Variants in DUSP13B observed in about 807,000 individuals in gnomAD.
The protein encoded by DUSP13B is dual specificity protein phosphatase 13B.
At chr10:75,108,215 G>A in the DUSP13B span, 2 of 1,593,266 alleles carry the variant, frequency 1.3e-6, no homozygotes, top group Non-Finnish European at 1.7e-6. Flanking sequence ...TGGCCCTGGG[G>A]AGGGCAGGAA....
the DUSP13B span, among the ~76,000 whole-genome samples, chr10:75,104,687 G>A: frequency 2.0e-5 from 3 of 152,166 alleles, no homozygotes; most frequent in Non-Finnish European, 4.4e-5. Flanking sequence ...CTTGGCTACA[G>A]GCCAATCTCA....
the DUSP13B span, among the ~76,000 whole-genome samples, chr10:75,103,418 T>A: frequency 1.3e-5 from 2 of 152,132 alleles, no homozygotes; most frequent in African/African-American, 4.8e-5. Flanking sequence ...CCAGGGCCAC[T>A]CCCACCCTCT....
chr10:75,098,398 T>A, the DUSP13B span, among the ~76,000 whole-genome samples: 1 of 152,160 alleles, frequency 6.6e-6, no homozygotes, highest in Non-Finnish European at 1.5e-5. Flanking sequence ...TATCTCCAGG[T>A]AAGAGGCCAG....
At chr10:75,105,784 G>A in the DUSP13B span, 3 of 1,551,154 alleles carry the variant, frequency 1.9e-6, no homozygotes, top group African/African-American at 1.4e-5. Context: ...CTGGCGCAGG[G>A]ACAGCCGCTG....
chr10:75,108,150 G>T, the DUSP13B span: 1 of 1,613,056 alleles, frequency 6.2e-7, no homozygotes, highest in East Asian at 2.2e-5. Flanking sequence ...CTTGTGGGCG[G>T]CGTTCAGCAC....
the DUSP13B span, chr10:75,097,747 G>A: frequency 5.6e-6 from 9 of 1,612,154 alleles, no homozygotes; most frequent in African/African-American, 1.3e-5. Flanking sequence ...AGACCTCATC[G>A]ATATGGTTCA....
chr10:75,104,567 C>T, the DUSP13B span, among the ~76,000 whole-genome samples: 5 of 152,168 alleles, frequency 3.3e-5, no homozygotes, highest in South Asian at 2.1e-4. Context: ...TCTGATGCTC[C>T]GCCAGGTTCC....
chr10:75,109,049 G>T, the DUSP13B span: 1 of 1,611,298 alleles, frequency 6.2e-7, no homozygotes, highest in Non-Finnish European at 8.5e-7. Flanking sequence ...TCGTCCACAC[G>T]GCTGCAAGAA....
the DUSP13B span, chr10:75,095,658 G>C: frequency 1.2e-6 from 2 of 1,614,188 alleles, no homozygotes; most frequent in East Asian, 4.5e-5. Context: ...GTTGTCGTCC[G>C]CCTCGATGCC....
At chr10:75,109,131 C>T in the DUSP13B span, 5 of 1,605,842 alleles carry the variant, frequency 3.1e-6, no homozygotes, top group East Asian at 6.8e-5. Flanking sequence ...CCTCTCCCCC[C>T]AGCTCTGGGA....
At chr10:75,094,961 C>T in the DUSP13B span, 1 of 1,222,788 alleles carries the variant, frequency 8.2e-7, no homozygotes, top group South Asian at 1.4e-5. Context: ...CATGGCCATC[C>T]TCTACAGTAT....
the DUSP13B span, chr10:75,105,572 T>G: frequency 7.8e-7 from 1 of 1,284,546 alleles, no homozygotes; most frequent in Admixed American, 2.1e-5. Context: ...CAACCAATCC[T>G]GGAAGAATCC....
At chr10:75,106,002 A>C in the DUSP13B span, 1 of 777,300 alleles carries the variant, frequency 1.3e-6, no homozygotes, top group South Asian at 1.8e-5. Flanking sequence ...CTCAGCCTTT[A>C]TGGACCTCAG....
At chr10:75,100,608 C>T in the DUSP13B span, among the ~76,000 whole-genome samples, 7 of 152,170 alleles carry the variant, frequency 4.6e-5, no homozygotes, top group East Asian at 1.9e-4. Flanking sequence ...GGCCAGGGCC[C>T]GGCCGAGCTC....
chr10:75,108,873 TG>T, the DUSP13B span: 1 of 1,206,538 alleles, frequency 8.3e-7, no homozygotes, highest in Non-Finnish European at 1.1e-6. Flanking sequence ...CCGGGGGTCC[TG>T]GAGAAGGTCC....
At chr10:75,097,752 G>T in the DUSP13B span, 1 of 1,613,270 alleles carries the variant, frequency 6.2e-7, no homozygotes, top group Non-Finnish European at 8.5e-7. Context: ...TCATCGATAT[G>T]GTTCAGTGTG....
the DUSP13B span, among the ~76,000 whole-genome samples, chr10:75,102,506 A>G: frequency 6.6e-6 from 1 of 152,202 alleles, no homozygotes; most frequent in African/African-American, 2.4e-5. Context: ...GATCAAATAA[A>G]CCATTTTAAA....
chr10:75,094,696 G>T, the DUSP13B span: 1 of 1,613,986 alleles, frequency 6.2e-7, no homozygotes, highest in Non-Finnish European at 8.5e-7. Context: ...CCCGTCTCCC[G>T]CCCCAGTCGG....
chr10:75,101,937 T>G, the DUSP13B span: 1 of 1,367,852 alleles, frequency 7.3e-7, no homozygotes, highest in Non-Finnish European at 9.8e-7. Context: ...TTCAGCCGCC[T>G]GTCTCCGCAC....
Sources: gnomAD v4.1 joint callset for allele counts (sites outside exome capture counted in the v4.1 genomes callset) on GRCh38, gnomAD v4.1.1 for gene constraint, MANE v1.5 for transcripts, NCBI Gene and HGNC (gene_info 2026-07-23, HGNC 2026-07-21) for gene names.